Variants in MAP3K5 observed in about 807,000 individuals in gnomAD.
MAP3K5 encodes mitogen-activated protein kinase kinase kinase 5, also known as ASK-1.
MAP3K5 carries 56 observed loss-of-function variants against 158.7 expected under a neutral mutation model. The ratio of observed to expected loss-of-function variants is 0.35; its 90% CI spans 0.28 to 0.44. MAP3K5 has a LOEUF of 0.44. Ranked by LOEUF, MAP3K5 falls within the 20% of genes least tolerant of loss-of-function variation. The pLI, the probability that MAP3K5 is intolerant of heterozygous loss-of-function variation, is 1.00. For missense variants in MAP3K5, 1,294 were observed against 1,674.8 expected (o/e 0.77, Z 3.97); for synonymous variants, 579 against 601.7 (o/e 0.96, Z 0.55).
chr6:136,619,917 G>A (rs573259249), intron 15 of MAP3K5, among the ~76,000 whole-genome samples: 1 of 152,296 alleles, frequency 6.6e-6, no homozygotes, highest in East Asian at 1.9e-4. Context: ...CTGGATACAT[G>A]GGGAGACAGT....
At chr6:136,755,455 C>G (rs1401546229) in intron 1 of MAP3K5, among the ~76,000 whole-genome samples, 2 of 152,118 alleles carry the variant, frequency 1.3e-5, no homozygotes, top group African/African-American at 4.8e-5. Context: ...GCCTGTAGTC[C>G]TAGCACTTTG....
At chr6:136,568,518 T>C (rs1010569253) in intron 25 of MAP3K5, among the ~76,000 whole-genome samples, 14 of 152,178 alleles carry the variant, frequency 9.2e-5, no homozygotes, top group Admixed American at 3.3e-4. Flanking sequence ...CCATAGAAGT[T>C]ACAATTTTCC....
At chr6:136,721,088 A>G (rs974267660) in intron 1 of MAP3K5, among the ~76,000 whole-genome samples, 2 of 151,906 alleles carry the variant, frequency 1.3e-5, no homozygotes, top group African/African-American at 4.8e-5. Context: ...CCAAACCTGC[A>G]TTTTTTTTAA....
intron 1 of MAP3K5, among the ~76,000 whole-genome samples, chr6:136,730,893 T>C (rs116971285): frequency 1.3e-5 from 2 of 152,194 alleles, no homozygotes; most frequent in South Asian, 2.1e-4. Flanking sequence ...ATGTAATGAA[T>C]GTTCATAGCC....
chr6:136,771,241 C>T (rs1784188069), intron 1 of MAP3K5, among the ~76,000 whole-genome samples: 1 of 152,144 alleles, frequency 6.6e-6, no homozygotes, highest in Non-Finnish European at 1.5e-5. Flanking sequence ...CCCCCTACTG[C>T]AAACAGACAA....
At chr6:136,593,914 G>T (rs1040421291) in intron 21 of MAP3K5, among the ~76,000 whole-genome samples, 2 of 152,108 alleles carry the variant, frequency 1.3e-5, no homozygotes, top group African/African-American at 4.8e-5. Context: ...AAGGATAGGG[G>T]ACTCATGACA....
At chr6:136,647,969 A>G (rs992780355) in intron 11 of MAP3K5, 1 of 152,182 alleles carries the variant, frequency 6.6e-6, no homozygotes, top group Non-Finnish European at 1.5e-5. Context: ...CATCATCTCA[A>G]CAGTGCTTTC....
Position 136,792,106 on chromosome 6 carries a change from G to C in MAP3K5, c.52C>G (p.Pro18Ala). 6.3e-7 allele frequency: 1 copy of C among 1,586,694 alleles called. No individual in the cohort carries two copies. Among genetic ancestry groups the C allele is most frequent in the Non-Finnish European group, 8.6e-7 (1 of 1,169,576 alleles). Residue 18 changes from proline (P) to alanine (A), a missense_variant, in exon 1 of 30, where the codon CCC becomes GCC. By Grantham distance (27) the Pro-to-Ala change is conservative. Coordinates refer to ENST00000359015, the MANE Select transcript of MAP3K5 (RefSeq NM_005923.4). The surrounding 1 kb of genome is among the most constrained non-coding windows in gnomAD (Gnocchi z 5.7). Reference sequence around the variant, plus strand: ...TCGGGGATGGTGCAGAAGCCCGAGGGGGCGAAGGGTGGCACAGAGAAAGTG... The same window carrying C: ...TCGGGGATGGTGCAGAAGCCCGAGGCGGCGAAGGGTGGCACAGAGAAAGTG... The part of the protein sequence containing the change: ...GITFSVPPFA[P>A]SGFCTIPEGG...
At chr6:136,656,636 T>A (rs1044137199) in intron 9 of MAP3K5, among the ~76,000 whole-genome samples, 176 bp from the exon 10 acceptor site, 2 of 152,018 alleles carry the variant, frequency 1.3e-5, no homozygotes, top group African/African-American at 4.8e-5. Context: ...TTTTTTTTTT[T>A]AATGTTGAAA....
chr6:136,673,413 A>G (rs900641924), intron 7 of MAP3K5, among the ~76,000 whole-genome samples: 1 of 152,238 alleles, frequency 6.6e-6, no homozygotes, highest in Non-Finnish European at 1.5e-5. Context: ...GCAAACACAC[A>G]CAAAAGCTGA....
At position 136,717,361 on chromosome 6, in the gene MAP3K5, T is replaced by A. The variant is rs555869089; in HGVS notation, c.588+3089A>T. 1.9e-4 allele frequency among the ~76,000 whole-genome samples: 29 copies of A among 152,026 alleles called. No individual in the cohort carries two copies. In the South Asian group the frequency reaches 2.3e-3, roughly 12 times the overall value. On this transcript the variant is annotated intron_variant, in intron 2 of 29. Coordinates refer to ENST00000359015, the MANE Select transcript of MAP3K5 (RefSeq NM_005923.4). The stretch of plus-strand genomic sequence containing the variant: ...GAGCTTAAATTAAAACAAAAAAAAA[T>A]TTTTTTCTACGATTTCTTCCTGAGA...
chr6:136,600,074 C>A (rs1034461622), intron 21 of MAP3K5, among the ~76,000 whole-genome samples: 2 of 152,102 alleles, frequency 1.3e-5, no homozygotes, highest in African/African-American at 4.8e-5. Flanking sequence ...ATCAGAGGAA[C>A]CTGCAAAAAC....
At chr6:136,759,269 C>T (rs1783632719) in intron 1 of MAP3K5, among the ~76,000 whole-genome samples, 1 of 151,562 alleles carries the variant, frequency 6.6e-6, no homozygotes, top group Admixed American at 6.6e-5. Flanking sequence ...GTATTATGTG[C>T]CTGAACATAG....
In MAP3K5 at chr6:136,656,474, G is replaced by A; in HGVS notation, c.1527-14C>T. ...GACTTGAGGTACCTGAGAAGGAAAA[G>A]ATATAAAACATGTAACAGACAAATT... On this transcript the variant is annotated splice_polypyrimidine_tract_variant and intron_variant, in intron 9 of 29. Coordinates refer to ENST00000359015, the MANE Select transcript of MAP3K5 (RefSeq NM_005923.4). The A allele has an allele frequency of 6.5e-7, 1 of 1,528,102 alleles. No homozygotes were observed. Among genetic ancestry groups the A allele is most frequent in the Non-Finnish European group, 8.8e-7 (1 of 1,132,804 alleles). The allele number at this position is 1,528,102 out of a possible 1,614,324, so 94.7% of individuals were successfully genotyped here. A position where few individuals can be genotyped will look rare whatever the true frequency, so the allele number is the denominator to read the frequency against.
At chr6:136,756,942 C>T (rs1783518464) in intron 1 of MAP3K5, among the ~76,000 whole-genome samples, 1 of 152,234 alleles carries the variant, frequency 6.6e-6, no homozygotes, top group Non-Finnish European at 1.5e-5. Flanking sequence ...TAGGCTTTCT[C>T]TTCAGAACCA....
At chr6:136,773,841 T>C (rs150781826) in intron 1 of MAP3K5, among the ~76,000 whole-genome samples, 1 of 151,984 alleles carries the variant, frequency 6.6e-6, no homozygotes, top group African/African-American at 2.4e-5. Flanking sequence ...AAAGATGGGG[T>C]TTCTCCACGT....
chr6:136,761,497 T>C (rs1436031923), intron 1 of MAP3K5, among the ~76,000 whole-genome samples: 1 of 151,950 alleles, frequency 6.6e-6, no homozygotes, highest in African/African-American at 2.4e-5. Flanking sequence ...TGTTCTCGCA[T>C]CCCAAATCAG....
intron 10 of MAP3K5, among the ~76,000 whole-genome samples, chr6:136,653,569 G>T (rs73777949): frequency 6.6e-6 from 1 of 152,108 alleles, no homozygotes; most frequent in Admixed American, 6.5e-5. Context: ...GGGAGAGCAC[G>T]GGTGGCAAAT....
intron 21 of MAP3K5, among the ~76,000 whole-genome samples, chr6:136,600,729 G>C (rs1775837265): frequency 6.6e-6 from 1 of 152,094 alleles, no homozygotes; most frequent in Non-Finnish European, 1.5e-5. Context: ...CCTAGATAAA[G>C]AAGCATTTAC....
Sources: allele counts gnomAD v4.1 joint callset (sites outside exome capture counted in the v4.1 genomes callset), GRCh38; gene constraint gnomAD v4.1.1; non-coding constraint Gnocchi (gnomAD v3.1); transcripts MANE v1.5; gene names NCBI Gene and HGNC (gene_info 2026-07-23, HGNC 2026-07-21).